The following PADI2 variants were observed in gnomAD, a reference collection of about 807,000 sequenced individuals.
PADI2 encodes protein-arginine deiminase type-2.
PADI2 carries 70 observed loss-of-function variants against 81.1 expected under a neutral mutation model. That is an observed-to-expected ratio of 0.86 (90% CI 0.71 to 1.05). The LOEUF is 1.05. PADI2 is among the 50% of genes least tolerant of loss of function. The pLI, the probability that PADI2 is intolerant of heterozygous loss-of-function variation, is 0.00. For synonymous variants in PADI2, 338 were observed against 358.0 expected (o/e 0.94, Z 0.63); for missense variants, 853 against 889.9 (o/e 0.96, Z 0.53).
chr1:17,091,874 C>A (rs890043515), intron 6 of PADI2, among the ~76,000 whole-genome samples: 2 of 152,144 alleles, frequency 1.3e-5, no homozygotes, highest in African/African-American at 4.8e-5. Context: ...GGCCTGGCAC[C>A]AAAGGGCTCA....
rs576036911 is a variant in PADI2 at position 17,114,501 on chromosome 1, T to C, written c.92+4779A>G. Among the ~76,000 whole-genome samples, 6 of 152,264 alleles carry C rather than the reference T, an allele frequency of 3.9e-5. 1 individual carries two copies. Among genetic ancestry groups the C allele is most frequent in the Middle Eastern group, 3.4e-3 (1 of 294 alleles). ...CCAGCTGCGAAAAGGGGACAATAAT[T>C]GTACCTAACTCATAAAGTTGTTGCA... On this transcript the variant is annotated intron_variant, in intron 1 of 15. Coordinates refer to ENST00000375486, the MANE Select transcript of PADI2 (RefSeq NM_007365.3).
At chr1:17,090,085 T>G (rs927921284) in intron 6 of PADI2, among the ~76,000 whole-genome samples, 1 of 152,228 alleles carries the variant, frequency 6.6e-6, no homozygotes, top group African/African-American at 2.4e-5. Context: ...GGGCAGAATT[T>G]GAGGCTAAGG....
intron 1 of PADI2, among the ~76,000 whole-genome samples, chr1:17,110,140 C>A (rs1931525584): frequency 6.6e-6 from 1 of 152,190 alleles, no homozygotes; most frequent in African/African-American, 2.4e-5. Context: ...CCTTCCTCCT[C>A]AGGAAGAACC....
intron 13 of PADI2, 55 bp downstream of exon 13, chr1:17,074,801 G>A: frequency 1.8e-6 from 2 of 1,116,762 alleles, no homozygotes; most frequent in South Asian, 2.6e-5. Context: ...CCTCCCGAGG[G>A]TCTCTCTGGG....
intron 1 of PADI2, among the ~76,000 whole-genome samples, chr1:17,117,656 G>C (rs1042157457): frequency 6.6e-6 from 1 of 152,210 alleles, no homozygotes; most frequent in African/African-American, 2.4e-5. Context: ...TGCCAGGATA[G>C]AGCGATAGCA....
At chr1:17,111,321 C>G (rs929655147) in intron 1 of PADI2, among the ~76,000 whole-genome samples, 5 of 151,970 alleles carry the variant, frequency 3.3e-5, no homozygotes, top group Non-Finnish European at 7.4e-5. Flanking sequence ...TTTGGGACTC[C>G]TGACTTCAAG....
At chr1:17,075,201 C>T (rs1037130187) in intron 12 of PADI2, 36 of 419,144 alleles carry the variant, frequency 8.6e-5, no homozygotes, top group African/African-American at 7.3e-4. Context: ...CTCCAAGTTG[C>T]CAAGCAGCCA....
At position 17,067,040 on chromosome 1, in the gene PADI2, G is replaced by A. The variant is rs2078227093; in HGVS notation, c.*2004C>T. On this transcript the variant is annotated 3_prime_UTR_variant, in exon 16 of 16. Coordinates refer to ENST00000375486, the MANE Select transcript of PADI2 (RefSeq NM_007365.3). ...TCCACGGGGGTATATCCACACCGAG[G>A]GTTGTCACACTGGGTGGGCAAGTGA... The A allele has an allele frequency of 1.3e-5, 2 of 151,884 alleles. No homozygotes were observed. Among genetic ancestry groups the A allele is most frequent in the Admixed American group, 1.3e-4 (2 of 15,242 alleles). The allele number at this position is 151,884 out of a possible 1,614,324, so 9.4% of individuals were successfully genotyped here.
rs528993984 is a variant in PADI2 at position 17,108,238 on chromosome 1, C to T, written c.93-3177G>A. Among the ~76,000 whole-genome samples the T allele has an allele frequency of 7.2e-5, 11 of 152,250 alleles. 1 individual carries two copies. Among genetic ancestry groups the T allele is most frequent in the Middle Eastern group, 3.4e-3 (1 of 294 alleles). ...TGTTGGGATTACAGGCGTGAGCCAC[C>T]GTGCCTGGCCACATCCATCATTAAG... is the stretch of plus-strand genomic sequence containing the variant. On this transcript the variant is annotated intron_variant, in intron 1 of 15. Transcript: ENST00000375486.
At chr1:17,095,539 A>G (rs1930888095) in intron 4 of PADI2, among the ~76,000 whole-genome samples, 1 of 152,300 alleles carries the variant, frequency 6.6e-6, no homozygotes, top group Non-Finnish European at 1.5e-5. Context: ...AGAATGATGA[A>G]TGCGACCCTC....
In PADI2 at chr1:17,094,231, C is replaced by T. The variant is rs143073490; in HGVS notation, c.412-547G>A. 2.5e-3 allele frequency among the ~76,000 whole-genome samples: 385 copies of T among 152,300 alleles called. 1 individual carries two copies. The highest frequency in any genetic ancestry group is 3.2e-3 in the Non-Finnish European group (218 of 68,018). ...GTTGAGTTGGCATGAAGCCCTGATT[C>T]CTTGCTGTGGCTTGGAAGGCCTGGT... is the stretch of plus-strand genomic sequence containing the variant. On this transcript the variant is annotated intron_variant, in intron 4 of 15. Transcript: ENST00000375486.
In PADI2 at chr1:17,117,979, C is replaced by T. The variant is rs575294204; in HGVS notation, c.92+1301G>A. 2.6e-5 allele frequency among the ~76,000 whole-genome samples: 4 copies of T among 152,266 alleles called. No homozygotes were observed. In the East Asian group the frequency reaches 7.7e-4, roughly 29 times the overall value. Reference sequence around the variant, plus strand: ...CATGGGGGACAACTGAAGCCCAGGCCCAGGGGAAGGCAGAGGTTGAGGCCA... The same window carrying T: ...CATGGGGGACAACTGAAGCCCAGGCTCAGGGGAAGGCAGAGGTTGAGGCCA... On this transcript the variant is annotated intron_variant, in intron 1 of 15. Coordinates refer to ENST00000375486, the MANE Select transcript of PADI2 (RefSeq NM_007365.3).
intron 13 of PADI2, among the ~76,000 whole-genome samples, chr1:17,072,554 T>G (rs148112653): frequency 0.01 from 1,538 of 152,284 alleles, 8 homozygotes; most frequent in Non-Finnish European, 0.016. Context: ...CTGGTTCACC[T>G]TCCTCCCCAG....
At position 17,092,438 on chromosome 1, in the gene PADI2, AG is replaced by A. The variant is rs1930734849; in HGVS notation, c.624del (p.Ser209GlnfsTer74). 6.2e-7 allele frequency: 1 copy of A among 1,607,260 alleles called. No individual in the cohort carries two copies. ...YEIVLYISMS[D>X]SDKVGVFYVE... ...ACGTAGAACACGCCCACTTTGTCTGAGTCTGACATGGAAATGTACAGAACTA... is the reference window on the plus strand; with the variant it reads ...ACGTAGAACACGCCCACTTTGTCTGATCTGACATGGAAATGTACAGAACTA... On this transcript the variant is annotated frameshift_variant, in exon 6 of 16. Transcript: ENST00000375486. LOFTEE classifies it high-confidence loss of function.
intron 8 of PADI2, 130 bp from the exon 9 acceptor site, chr1:17,083,967 A>G: frequency 1.6e-6 from 1 of 640,214 alleles, no homozygotes; most frequent in Non-Finnish European, 2.8e-6. Flanking sequence ...ACCTGTGCTC[A>G]CGGCCACCTT....
At chr1:17,082,759 C>T in intron 9 of PADI2, 107 bp from the exon 10 acceptor site, 1 of 677,930 alleles carries the variant, frequency 1.5e-6, no homozygotes, top group Non-Finnish European at 2.6e-6. Context: ...GAACGTCTGT[C>T]TTGTTCCCCA....
chr1:17,075,139 G>C (rs372511345), intron 12 of PADI2, 190 bp from the exon 13 acceptor site: 3 of 510,832 alleles, frequency 5.9e-6, no homozygotes, highest in Non-Finnish European at 1.1e-5. Context: ...CTCTACCTCA[G>C]CAATGTCACC....
intron 1 of PADI2, among the ~76,000 whole-genome samples, chr1:17,112,213 A>T (rs1366256330): frequency 6.6e-6 from 1 of 152,032 alleles, no homozygotes; most frequent in Non-Finnish European, 1.5e-5. Context: ...AGAAATGGCC[A>T]CTAGGTTGGT....
rs1005529535 is a variant in PADI2, at chr1:17,119,329, C to T, written c.43G>A (p.Val15Met). ...RTVRLQYGSR[V>M]EAVYVLGTYL... ...GTGCCCAGCACGTACACCGCCTCCA[C>T]GCGGCTCCCGTACTGCAGCCGCACG... is the stretch of plus-strand genomic sequence containing the variant. Residue 15 changes from valine to methionine, a missense_variant, in exon 1 of 16, where the codon GTG (valine) becomes ATG (methionine). By Grantham distance (21) the Val-to-Met change is conservative. Coordinates refer to ENST00000375486, the MANE Select transcript of PADI2 (RefSeq NM_007365.3). This position sits in a 1 kb window ranked among gnomAD's most constrained non-coding sequence, Gnocchi z 4.8. 2 of 1,556,562 alleles carry T rather than the reference C, an allele frequency of 1.3e-6. No homozygotes were observed. Among genetic ancestry groups the T allele is most frequent in the Non-Finnish European group, 1.7e-6 (2 of 1,151,486 alleles).
Sources: gnomAD v4.1 joint callset for allele counts (sites outside exome capture counted in the v4.1 genomes callset) on GRCh38, gnomAD v4.1.1 for gene constraint, Gnocchi (gnomAD v3.1) non-coding constraint, MANE v1.5 for transcripts, NCBI Gene and HGNC (gene_info 2026-07-23, HGNC 2026-07-21) for gene names.